DLGAP2: variants seen among roughly 807,000 people sequenced by gnomAD.
DLGAP2 encodes DLG associated protein 2, also known as disks large-associated protein 2.
In DLGAP2, 26 loss-of-function variants were observed where a neutral mutation model predicts 100.3. The ratio of observed to expected loss-of-function variants is 0.26; its 90% confidence interval spans 0.19 to 0.36. The LOEUF is 0.36. Among genes scored for constraint, DLGAP2 ranks in the 10% least tolerant of loss-of-function variants. The pLI, the probability that DLGAP2 is intolerant of heterozygous loss-of-function variation, is 1.00. For synonymous variants in DLGAP2, 886 were observed against 630.1 expected (o/e 1.41, Z -6.08); for missense variants, 1,858 against 1,453.2 (o/e 1.28, Z -4.53).
At chr8:943,570 G>A (rs938629192) in intron 2 of DLGAP2, among the ~76,000 whole-genome samples, 5 of 152,078 alleles carry the variant, frequency 3.3e-5, no homozygotes, top group South Asian at 2.1e-4. Context: ...TGGCCATCCC[G>A]CCACAAGCAC....
chr8:1,639,093 A>G (rs911189794), intron 8 of DLGAP2, among the ~76,000 whole-genome samples: 3 of 152,232 alleles, frequency 2.0e-5, no homozygotes, highest in Non-Finnish European at 2.9e-5. Flanking sequence ...AGTAGTTCAG[A>G]TGTGTTGAGC....
rs1253091058 is a variant in DLGAP2 at position 1,549,259 on chromosome 8, C to G, written c.806C>G (p.Ala269Gly). ...ADGRADDHHH[A>G]HHAKHSKRSK... ...GGCCGGGCGGACGACCACCACCACGCCCACCACGCCAAGCACAGCAAGAGG... is the reference window on the plus strand; with the variant it reads ...GGCCGGGCGGACGACCACCACCACGGCCACCACGCCAAGCACAGCAAGAGG... Residue 269 changes from alanine (A) to glycine (G), a missense_variant, in exon 5 of 15, where the codon GCC becomes GGC. Ala to Gly is a moderately conservative substitution (Grantham distance 60, BLOSUM62 0). Transcript: ENST00000637795. 6.2e-7 allele frequency: 1 copy of G among 1,610,466 alleles called. No individual in the cohort carries two copies.
intron 2 of DLGAP2, among the ~76,000 whole-genome samples, chr8:1,004,474 A>G (rs182177242): frequency 3.3e-5 from 5 of 152,338 alleles, no homozygotes; most frequent in African/African-American, 9.6e-5. Context: ...GACTTGGAGT[A>G]TTATATTCAA....
chr8:1,316,163 A>G lies in DLGAP2; in HGVS notation c.106+57280A>G, dbSNP rs568692401. ...TGCAGCGTCTCCCCAACAGTGGTCT[A>G]CACTCGAGAAACTCAGCAGCGTTTA... On this transcript the variant is annotated intron_variant, in intron 3 of 14. Coordinates refer to ENST00000637795, the MANE Select transcript of DLGAP2 (RefSeq NM_001346810.2). Among the ~76,000 whole-genome samples, 5 of 124,074 alleles carry G rather than the reference A, an allele frequency of 4.0e-5. 1 individual carries two copies. The highest frequency in any genetic ancestry group is 6.9e-5 in the Non-Finnish European group (4 of 58,000). 81.4% of individuals were successfully genotyped at this position (124,074 alleles called of 152,430 possible).
chr8:1,626,278 C>T (rs112740507), intron 6 of DLGAP2, among the ~76,000 whole-genome samples: 155 of 108,268 alleles, frequency 1.4e-3, no homozygotes, highest in African/African-American at 8.0e-3. Context: ...GTGGGTTGGA[C>T]GGCTGTTCCC....
At chr8:1,196,100 G>A (rs13273765) in intron 2 of DLGAP2, among the ~76,000 whole-genome samples, 79,027 of 152,078 alleles carry the variant, frequency 0.52, 20,633 homozygotes, top group Non-Finnish European at 0.53. Context: ...AGGCATCACC[G>A]ATATCCAGGG....
At chr8:914,735 G>A (rs1798555781) in intron 2 of DLGAP2, among the ~76,000 whole-genome samples, 2 of 152,238 alleles carry the variant, frequency 1.3e-5, no homozygotes, top group African/African-American at 4.8e-5. Flanking sequence ...GAGACATAAA[G>A]AAGTTTAATA....
chr8:907,836 A>G, intron 1 of DLGAP2, 76 bp from the exon 2 acceptor site: 1 of 397,992 alleles, frequency 2.5e-6, no homozygotes, highest in Non-Finnish European at 4.4e-6. Context: ...TAGAAGAAAC[A>G]CTCGCAACAG....
At chr8:1,646,924 G>A (rs1040265825) in intron 8 of DLGAP2, among the ~76,000 whole-genome samples, 1 of 152,210 alleles carries the variant, frequency 6.6e-6, no homozygotes, top group African/African-American at 2.4e-5. Flanking sequence ...GAGAAGTGAT[G>A]GAAAGGCCAG....
At chr8:1,132,488 CA>C (rs1416600295) in intron 2 of DLGAP2, among the ~76,000 whole-genome samples, 1 of 152,214 alleles carries the variant, frequency 6.6e-6, no homozygotes, top group Admixed American at 6.5e-5. Context: ...TGATCTGCAG[CA>C]GTGAATACAA....
intron 2 of DLGAP2, among the ~76,000 whole-genome samples, chr8:1,098,615 G>A (rs1804471886): frequency 8.9e-6 from 1 of 112,372 alleles, no homozygotes; most frequent in Admixed American, 8.9e-5. Flanking sequence ...GCCCACGGGC[G>A]CCGCCACCCA....
Position 1,224,002 on chromosome 8 carries a change from C to G in DLGAP2, c.74-34849C>G, listed in dbSNP as rs539576364. Among the ~76,000 whole-genome samples the G allele has an allele frequency of 4.6e-5, 7 of 152,160 alleles. No individual in the cohort carries two copies. The South Asian group carries it at 1.5e-3, about 32-fold the overall frequency. On this transcript the variant is annotated intron_variant, in intron 2 of 14. Transcript: ENST00000637795. ...TAATTTTGACTTCTCATTGTTTCCC[C>G]TTGATGTGGATTAATATGAAGGCAG... is the stretch of plus-strand genomic sequence containing the variant.
intron 3 of DLGAP2, among the ~76,000 whole-genome samples, chr8:1,292,788 C>T (rs1478140812): frequency 6.6e-6 from 1 of 152,032 alleles, no homozygotes; most frequent in East Asian, 1.9e-4. Context: ...ACTCATGTCA[C>T]CCCTCTTCTC....
chr8:954,491 A>G (rs77222345), intron 2 of DLGAP2, among the ~76,000 whole-genome samples: 2,295 of 152,316 alleles, frequency 0.015, 66 homozygotes, highest in African/African-American at 0.052. Flanking sequence ...AGAATGTATA[A>G]ATTGTGTTGT....
chr8:1,544,739 T>TC (rs1426414870), intron 4 of DLGAP2, among the ~76,000 whole-genome samples: 2 of 151,902 alleles, frequency 1.3e-5, no homozygotes, highest in Non-Finnish European at 2.9e-5. Context: ...TTGAGGATTT[T>TC]TTTTTTTTTT....
chr8:1,314,137 C>A (rs1033346), intron 3 of DLGAP2, among the ~76,000 whole-genome samples: 70,444 of 152,010 alleles, frequency 0.46, 17,037 homozygotes, highest in African/African-American at 0.61. Context: ...AAATTGTAAC[C>A]TTTCATAAAA....
intron 2 of DLGAP2, among the ~76,000 whole-genome samples, chr8:931,051 G>A (rs905516133): frequency 6.6e-6 from 1 of 152,148 alleles, no homozygotes; most frequent in South Asian, 2.1e-4. Context: ...ATGATTTCCC[G>A]AGGTGGGGGC....
At chr8:1,048,521 C>A (rs922426407) in intron 2 of DLGAP2, among the ~76,000 whole-genome samples, 1 of 151,792 alleles carries the variant, frequency 6.6e-6, no homozygotes, top group African/African-American at 2.4e-5. Context: ...CTCCGCAAGG[C>A]CCCTGCTGTG....
chr8:1,332,097 C>G (rs1322614758), intron 3 of DLGAP2, among the ~76,000 whole-genome samples: 2 of 152,224 alleles, frequency 1.3e-5, no homozygotes, highest in African/African-American at 2.4e-5. Context: ...AGCCCATCCC[C>G]AACAGCCACC....
Sources: allele counts gnomAD v4.1 joint callset (sites outside exome capture counted in the v4.1 genomes callset), GRCh38; gene constraint gnomAD v4.1.1; transcripts MANE v1.5; gene names NCBI Gene and HGNC (gene_info 2026-07-23, HGNC 2026-07-21).